JAK1: variants seen among roughly 807,000 people sequenced by gnomAD.
JAK1 encodes tyrosine-protein kinase JAK1.
JAK1 carries 16 observed loss-of-function variants against 136.6 expected under a neutral mutation model. That is an observed-to-expected ratio of 0.12 (90% CI 0.08 to 0.18). The LOEUF (loss-of-function observed/expected upper bound fraction) is 0.18, where lower values mean the gene tolerates loss of function less well. Among genes scored for constraint, JAK1 ranks in the 10% least tolerant of loss-of-function variants. JAK1 has a pLI of 1.00. For synonymous variants in JAK1, 492 were observed against 519.5 expected, an observed-to-expected ratio of 0.95 and a Z score of 0.72; for missense variants, 859 against 1,450.1, an observed-to-expected ratio of 0.59 and a Z score of 6.62.
At position 64,936,212 on chromosome 1, in the gene JAK1, G is replaced by T. The variant is rs1287567725; in HGVS notation, c.-78+30121C>A. Among the ~76,000 whole-genome samples, 3 of 152,146 alleles carry T rather than the reference G, an allele frequency of 2.0e-5. No homozygotes were observed. The East Asian group carries it at 5.8e-4, about 29-fold the overall frequency. On this transcript the variant is annotated intron_variant, in intron 1 of 24. Transcript: ENST00000342505. ...TTTATCAGAGAATCAGGATTTCAAG[G>T]TTGGAATGGACTCTACAAAACATTC...
At chr1:64,962,395 G>T (rs1646297544) in intron 1 of JAK1, among the ~76,000 whole-genome samples, 1 of 152,210 alleles carries the variant, frequency 6.6e-6, no homozygotes, top group South Asian at 2.1e-4. Context: ...AGCAGGTCTT[G>T]CCTCGGGACT....
intron 1 of JAK1, among the ~76,000 whole-genome samples, chr1:64,903,333 C>A (rs7550737): frequency 0.78 from 119,368 of 152,104 alleles, 48,244 homozygotes; most frequent in Non-Finnish European, 0.89. Flanking sequence ...GGCCCAAAGT[C>A]TGTAAACTTT....
At position 65,008,514 on chromosome 1, in the gene JAK1, C is replaced by T. The variant is rs75196747; in HGVS notation, c.-78+35966G>A. Among the ~76,000 whole-genome samples, 464 of 152,208 alleles carry T rather than the reference C, an allele frequency of 3.0e-3. 7 individuals carry two copies. The South Asian group carries it at 0.038, about 12-fold the overall frequency. On this transcript the variant is annotated intron_variant, in intron 2 of 25. Coordinates refer to the JAK1 transcript ENST00000671954. The stretch of plus-strand genomic sequence containing the variant: ...CTTAAAATCCTGGCCTCAAGTGATC[C>T]TCCCACTATGGCCTCCCAAAGTTTG...
chr1:64,850,916 G>A lies in JAK1; in HGVS notation c.1649-6C>T. ...CACCAGCAGGTTGGAGATTTCTGTG[G>A]AAGAGATTGGGGGAGTCTGAGCACA... On this transcript the variant is annotated splice_polypyrimidine_tract_variant and splice_region_variant and intron_variant, in intron 11 of 24. Coordinates refer to ENST00000342505, the MANE Select transcript of JAK1 (RefSeq NM_002227.4). 1 of 1,594,880 alleles carries A rather than the reference G, an allele frequency of 6.3e-7. No individual in the cohort carries two copies. The highest frequency in any genetic ancestry group is 8.6e-7 in the Non-Finnish European group (1 of 1,162,506).
intron 3 of JAK1, among the ~76,000 whole-genome samples, chr1:64,881,124 T>C (rs1644766088): frequency 6.6e-6 from 1 of 151,766 alleles, no homozygotes; most frequent in African/African-American, 2.4e-5. Context: ...GAGCCAGGCA[T>C]GGTGGCACAT....
chr1:64,983,308 A>G lies in JAK1; in HGVS notation c.-78+61172T>C, dbSNP rs79014323. ...CCTATTGGAAAGATTCAATCCCCCT[A>G]AGGGCACTCGGCACAGGACCACGGT... On this transcript the variant is annotated intron_variant, in intron 2 of 25. Coordinates refer to the JAK1 transcript ENST00000671954. Among the ~76,000 whole-genome samples the G allele has an allele frequency of 6.7e-3, 1,025 of 152,262 alleles. 3 individuals are homozygous for G. The highest frequency in any genetic ancestry group is 9.2e-3 in the Admixed American group (140 of 15,284).
upstream of JAK1, among the ~76,000 whole-genome samples, chr1:64,969,972 C>CA (rs1646435522): frequency 6.6e-6 from 1 of 151,406 alleles, no homozygotes; most frequent in Admixed American, 6.6e-5. Context: ...CCTGTATCTA[C>CA]AAAAAATACA....
intron 1 of JAK1, among the ~76,000 whole-genome samples, chr1:64,931,323 G>C (rs1296818333): frequency 6.6e-6 from 1 of 152,056 alleles, no homozygotes; most frequent in African/African-American, 2.4e-5. Context: ...GCTCATCCTT[G>C]TTCAACCGCA....
intron 2 of JAK1, among the ~76,000 whole-genome samples, chr1:65,038,740 G>A (rs1350041288): frequency 6.6e-6 from 1 of 152,116 alleles, no homozygotes; most frequent in African/African-American, 2.4e-5. Context: ...CCAGGTTCAA[G>A]CAATTCTCAT....
intron 1 of JAK1, among the ~76,000 whole-genome samples, chr1:65,054,410 A>G (rs1350290169): frequency 6.6e-6 from 1 of 152,024 alleles, no homozygotes; most frequent in African/African-American, 2.4e-5. Context: ...TATATATATG[A>G]TTTTATATAT....
chr1:64,996,091 A>T (rs1387130565), intron 2 of JAK1, among the ~76,000 whole-genome samples: 1 of 151,908 alleles, frequency 6.6e-6, no homozygotes, highest in African/African-American at 2.4e-5. Flanking sequence ...CATTGAAGAT[A>T]CTCTTTAGAC....
intron 1 of JAK1, among the ~76,000 whole-genome samples, chr1:64,914,233 G>A (rs1645352537): frequency 6.6e-6 from 1 of 152,188 alleles, no homozygotes; most frequent in African/African-American, 2.4e-5. Context: ...CAGACAAGGG[G>A]CCAGGCACTA....
intron 11 of JAK1, among the ~76,000 whole-genome samples, chr1:64,852,710 A>C (rs1655676611): frequency 6.6e-6 from 1 of 152,228 alleles, no homozygotes; most frequent in South Asian, 2.1e-4. Flanking sequence ...GGGAAGCCAC[A>C]GTGCCTCCAT....
At chr1:64,862,314 A>G (rs768310428) in intron 8 of JAK1, among the ~76,000 whole-genome samples, 9 of 152,172 alleles carry the variant, frequency 5.9e-5, no homozygotes, top group Non-Finnish European at 8.8e-5. Context: ...GCTTTAACCT[A>G]ACAGCTCTGT....
chr1:64,887,757 G>T (rs912389662), intron 1 of JAK1, among the ~76,000 whole-genome samples: 8 of 152,194 alleles, frequency 5.3e-5, no homozygotes, highest in Non-Finnish European at 1.0e-4. Context: ...CATGGAGGTG[G>T]GGCATGAAGC....
chr1:65,053,053 A>AAAAAAG (rs1553185113), intron 1 of JAK1, among the ~76,000 whole-genome samples: 1 of 133,716 alleles, frequency 7.5e-6, no homozygotes, highest in Non-Finnish European at 1.6e-5. Context: ...AAAAAAAAAA[A>AAAAAAG]AAAGACTAGA....
chr1:64,984,980 G>A lies in JAK1; in HGVS notation c.-78+59500C>T. 1 of 907,000 alleles carries A rather than the reference G, an allele frequency of 1.1e-6. No individual in the cohort carries two copies. The highest frequency in any genetic ancestry group is 1.9e-6 in the Non-Finnish European group (1 of 539,058). The allele number at this position is 907,000 out of a possible 1,614,324, so 56.2% of individuals were successfully genotyped here. On this transcript the variant is annotated intron_variant, in intron 2 of 25. Coordinates refer to the JAK1 transcript ENST00000671954. This position sits in a 1 kb window ranked among gnomAD's most constrained non-coding sequence, Gnocchi z 4.1. ...GCCCAATTTCAAAGAAGACCACAAA[G>A]ACCAAGATAGCCCCAATACAGACAA...
chr1:64,889,588 GAC>G (rs1478913080), intron 1 of JAK1, among the ~76,000 whole-genome samples: 1 of 152,156 alleles, frequency 6.6e-6, no homozygotes, highest in African/African-American at 2.4e-5. Flanking sequence ...AAGTATATCT[GAC>G]ACTTTCTCAA....
In JAK1 at chr1:64,851,088, C is replaced by T. The variant is rs140696273; in HGVS notation, c.1649-178G>A. Among the ~76,000 whole-genome samples the T allele has an allele frequency of 8.6e-3, 1,306 of 152,240 alleles. 5 individuals carry two copies. The highest frequency in any genetic ancestry group is 0.013 in the Non-Finnish European group (902 of 68,014). On this transcript the variant is annotated intron_variant, in intron 11 of 24. Coordinates refer to ENST00000342505, the MANE Select transcript of JAK1 (RefSeq NM_002227.4). ...TACCCTCCAGGAGCTCAGAGGGTAA[C>T]GACAGAGCCAAAACTCCCAAATAAA...
Sources: gnomAD v4.1 joint callset for allele counts (sites outside exome capture counted in the v4.1 genomes callset) on GRCh38, gnomAD v4.1.1 for gene constraint, Gnocchi (gnomAD v3.1) non-coding constraint, MANE v1.5 for transcripts, NCBI Gene and HGNC (gene_info 2026-07-23, HGNC 2026-07-21) for gene names.